Variants in VRK2 observed in about 807,000 individuals in gnomAD.
The protein encoded by VRK2 is VRK serine/threonine kinase 2.
A neutral mutation model predicts 57.6 loss-of-function variants in VRK2; 60 were observed. The observed-to-expected ratio is 1.04, with a 90% CI of 0.85 to 1.29. The LOEUF is 1.29. VRK2 is among the 50% of genes most tolerant of loss of function. The probability of loss-of-function intolerance (pLI) is 0.00; values close to 1 mark genes in which losing one functional copy is unlikely to be tolerated. For synonymous variants in VRK2, 231 were observed against 199.2 expected, an observed-to-expected ratio of 1.16 and a Z score of -1.35; for missense variants, 705 against 588.1, an observed-to-expected ratio of 1.20 and a Z score of -2.06.
At chr2:58,079,489 T>C (rs1420566530) in intron 2 of VRK2, among the ~76,000 whole-genome samples, 1 of 152,070 alleles carries the variant, frequency 6.6e-6, no homozygotes, top group Non-Finnish European at 1.5e-5. Flanking sequence ...TATCATTTCT[T>C]CTACATATCT....
chr2:58,146,317 T>C lies in VRK2; in HGVS notation c.1025T>C (p.Val342Ala), dbSNP rs185638327. The C allele has an allele frequency of 7.9e-5, 127 of 1,607,444 alleles. No individual in the cohort carries two copies. In the East Asian group the frequency reaches 2.7e-3, roughly 35 times the overall value. Reference protein sequence around the residue: ...INVHTPNSQKVDSQKAATKQV... With the variant: ...INVHTPNSQKADSQKAATKQV... ...TTATTACTTACTCTATACCAACAGG[T>C]TGATTCACAAAAGGCTGCAACAAAG... The change falls in exon 12 of 13, where the codon GTT becomes GCT. Residue 342 changes from valine to alanine, a missense_variant and splice_region_variant. Coordinates refer to ENST00000340157, the MANE Select transcript of VRK2 (RefSeq NM_006296.7).
chr2:57,958,002 C>G (rs745417821), intron 1 of VRK2, among the ~76,000 whole-genome samples: 1 of 152,172 alleles, frequency 6.6e-6, no homozygotes, highest in Non-Finnish European at 1.5e-5. Flanking sequence ...TCTACTTTCA[C>G]TGACACTGAC....
intron 2 of VRK2, among the ~76,000 whole-genome samples, chr2:58,082,295 T>C (rs1250162798): frequency 6.6e-6 from 1 of 151,934 alleles, no homozygotes; most frequent in Non-Finnish European, 1.5e-5. Context: ...AGTGGTAACA[T>C]AATCTGTTAT....
At chr2:58,083,490 T>G (rs537796097) in intron 2 of VRK2, among the ~76,000 whole-genome samples, 2 of 151,966 alleles carry the variant, frequency 1.3e-5, no homozygotes, top group Admixed American at 6.6e-5. Flanking sequence ...TAACTTGAAA[T>G]GAATTTATGA....
At chr2:58,093,969 G>A (rs1024788326) in intron 7 of VRK2, among the ~76,000 whole-genome samples, 21 of 152,118 alleles carry the variant, frequency 1.4e-4, no homozygotes, top group Non-Finnish European at 2.6e-4. Flanking sequence ...AAGATCAGAT[G>A]GTTGTAGATG....
chr2:58,089,726 A>G lies in VRK2; in HGVS notation c.543+3A>G, dbSNP rs1158602074. The G allele has an allele frequency of 6.3e-7, 1 of 1,594,494 alleles. No individual in the cohort carries two copies. Among genetic ancestry groups the G allele is most frequent in the Non-Finnish European group, 8.6e-7 (1 of 1,166,472 alleles). ...TGGGTTACAAAAATCCAGACCAGGT[A>G]AATACATACTTTTGCTTTTAATAAA... On this transcript the variant is annotated splice_donor_region_variant and intron_variant, in intron 7 of 12. Coordinates refer to ENST00000340157, the MANE Select transcript of VRK2 (RefSeq NM_006296.7).
At chr2:58,124,797 A>G (rs937489504) in intron 8 of VRK2, among the ~76,000 whole-genome samples, 2 of 152,172 alleles carry the variant, frequency 1.3e-5, no homozygotes, top group African/African-American at 2.4e-5. Flanking sequence ...TGAAACGGAA[A>G]TTATCTTTTA....
chr2:57,968,944 C>T (rs577008689), intron 1 of VRK2, among the ~76,000 whole-genome samples: 1 of 152,136 alleles, frequency 6.6e-6, no homozygotes, highest in Admixed American at 6.6e-5. Context: ...ATTAATCTCT[C>T]TTTAAAATCT....
At chr2:58,105,397 T>C (rs571510262) in intron 7 of VRK2, among the ~76,000 whole-genome samples, 7 of 151,826 alleles carry the variant, frequency 4.6e-5, no homozygotes, top group Middle Eastern at 6.8e-3. Context: ...CATGAACAGA[T>C]ATTGTTTAAA....
rs144870539 is a variant in VRK2 at position 58,048,935 on chromosome 2, T to C, written c.104T>C (p.Ile35Thr). The C allele has an allele frequency of 3.6e-3, 5,765 of 1,613,888 alleles. 48 individuals are homozygous for C. The highest frequency in any genetic ancestry group is 0.018 in the South Asian group (1,620 of 91,050). The change falls in exon 2 of 13, where the codon ATT (isoleucine) becomes ACT (threonine). Residue 35 changes from isoleucine (I) to threonine (T), a missense_variant. Transcript: ENST00000340157. ...EGNQWVLGKKIGSGGFGLIYL... is the reference protein window; with the variant it reads ...EGNQWVLGKKTGSGGFGLIYL... ...AATCAGTGGGTACTGGGCAAGAAGA[T>C]TGGCTCTGGAGGATTTGGATTGATA...
chr2:57,964,239 T>C (rs183425908), intron 1 of VRK2, among the ~76,000 whole-genome samples: 1 of 152,320 alleles, frequency 6.6e-6, no homozygotes, highest in African/African-American at 2.4e-5. Flanking sequence ...TTATATGTAT[T>C]ATAAACTGTA....
At chr2:58,151,316 A>T (rs1471115125) in intron 12 of VRK2, among the ~76,000 whole-genome samples, 1 of 151,752 alleles carries the variant, frequency 6.6e-6, no homozygotes, top group African/African-American at 2.4e-5. Flanking sequence ...TGTCCTGTTC[A>T]TCATTCTGAA....
intron 1 of VRK2, among the ~76,000 whole-genome samples, chr2:57,938,565 T>C (rs1006174927): frequency 1.3e-5 from 2 of 152,196 alleles, no homozygotes; most frequent in African/African-American, 4.8e-5. Context: ...TTGATGCTGA[T>C]TGAAATAACA....
intron 2 of VRK2, among the ~76,000 whole-genome samples, chr2:58,059,416 A>G (rs988905693): frequency 9.9e-5 from 15 of 152,020 alleles, no homozygotes; most frequent in Non-Finnish European, 2.9e-5. Context: ...AATAAGCACC[A>G]TATAAAAATA....
intron 1 of VRK2, among the ~76,000 whole-genome samples, chr2:57,953,061 A>G (rs1671476753): frequency 6.6e-6 from 1 of 152,228 alleles, no homozygotes; most frequent in Non-Finnish European, 1.5e-5. Context: ...AGCAGCTCAG[A>G]GTTGAGAAAC....
chr2:57,964,238 T>C (rs1671842516), intron 1 of VRK2, among the ~76,000 whole-genome samples: 1 of 152,160 alleles, frequency 6.6e-6, no homozygotes, highest in South Asian at 2.1e-4. Context: ...GTTATATGTA[T>C]TATAAACTGT....
chr2:58,061,347 G>A (rs965418519), intron 2 of VRK2, among the ~76,000 whole-genome samples: 2 of 151,860 alleles, frequency 1.3e-5, no homozygotes, highest in African/African-American at 2.4e-5. Context: ...AAATAAGTAT[G>A]TAATATATAC....
intron 1 of VRK2, among the ~76,000 whole-genome samples, chr2:58,023,904 T>G (rs751198186): frequency 6.6e-6 from 1 of 151,942 alleles, no homozygotes; most frequent in African/African-American, 2.4e-5. Context: ...AATATAGAGA[T>G]TTACTAAAAA....
chr2:58,155,356 T>C (rs1342659430), intron 12 of VRK2, among the ~76,000 whole-genome samples: 1 of 152,140 alleles, frequency 6.6e-6, no homozygotes, highest in East Asian at 1.9e-4. Context: ...GTTTGCTCAG[T>C]GCAAGGTGGA....
Sources: allele counts gnomAD v4.1 joint callset (sites outside exome capture counted in the v4.1 genomes callset), GRCh38; gene constraint gnomAD v4.1.1; transcripts MANE v1.5; gene names NCBI Gene and HGNC (gene_info 2026-07-23, HGNC 2026-07-21).